ANKRD62: variants seen among roughly 807,000 people sequenced by gnomAD.
ANKRD62 encodes ankyrin repeat domain 62.
A neutral mutation model predicts 98.8 loss-of-function variants in ANKRD62; 61 were observed. The ratio of observed to expected loss-of-function variants is 0.62; its 90% confidence interval spans 0.50 to 0.76. The LOEUF (loss-of-function observed/expected upper bound fraction) is 0.76, where lower values mean the gene tolerates loss of function less well. ANKRD62 is among the 30% of genes least tolerant of loss of function. The pLI, the probability that ANKRD62 is intolerant of heterozygous loss-of-function variation, is 0.00. For missense variants in ANKRD62, 933 were observed against 1,082.9 expected, an observed-to-expected ratio of 0.86 and a Z score of 1.94; for synonymous variants, 341 against 367.9, an observed-to-expected ratio of 0.93 and a Z score of 0.84.
At chr18:12,141,560 A>G in the ANKRD62 span, among the ~76,000 whole-genome samples, 1 of 144,414 alleles carries the variant, frequency 6.9e-6, no homozygotes, top group African/African-American at 2.6e-5. Flanking sequence ...GTATTATTCT[A>G]TTGTGACTCT....
At chr18:12,178,322 G>C in the ANKRD62 span, among the ~76,000 whole-genome samples, 18 of 149,510 alleles carry the variant, frequency 1.2e-4, no homozygotes, top group Admixed American at 3.3e-4. Flanking sequence ...CCCACCACCA[G>C]AGCATGGAGT....
chr18:12,109,723 G>A (rs1568061405), intron 8 of ANKRD62, among the ~76,000 whole-genome samples: 2 of 151,938 alleles, frequency 1.3e-5, no homozygotes, highest in African/African-American at 4.8e-5. Flanking sequence ...TATATCAAAG[G>A]ACCTTTGATC....
rs1909436981 is a variant in ANKRD62 at position 12,107,371 on chromosome 18, A to G, written c.968A>G (p.Asn323Ser). Reference protein sequence around the residue: ...SRNVHADDSDNYNDDVDELIH... With the variant: ...SRNVHADDSDSYNDDVDELIH... ...AACGTACATGCTGATGACAGTGACA[A>G]TTATAATGATGATGTTGATGAATTA... Residue 323 changes from asparagine to serine, a missense_variant, in exon 8 of 14, where the codon AAT becomes AGT. Transcript: ENST00000587848. 1 of 1,526,320 alleles carries G rather than the reference A, an allele frequency of 6.6e-7. No individual in the cohort carries two copies. Among genetic ancestry groups the G allele is most frequent in the Non-Finnish European group, 8.8e-7 (1 of 1,142,396 alleles). The allele number at this position is 1,526,320 out of a possible 1,614,324, so 94.5% of individuals were successfully genotyped here.
At chr18:12,108,549 C>A (rs1158964705) in intron 8 of ANKRD62, among the ~76,000 whole-genome samples, 1 of 152,090 alleles carries the variant, frequency 6.6e-6, no homozygotes, top group Non-Finnish European at 1.5e-5. Flanking sequence ...GACACAGCAC[C>A]AAACCATATT....
intron 12 of ANKRD62, 30 bp from the exon 13 acceptor site, chr18:12,125,430 C>T: frequency 4.2e-6 from 6 of 1,421,866 alleles, no homozygotes; most frequent in Non-Finnish European, 5.5e-6. Flanking sequence ...TTATTGGGTG[C>T]TAGTTGAGAG....
chr18:12,153,080 G>A, the ANKRD62 span, among the ~76,000 whole-genome samples: 1 of 152,088 alleles, frequency 6.6e-6, no homozygotes, highest in African/African-American at 2.4e-5. Context: ...TAAATATTTA[G>A]GAATATAGCT....
intron 1 of ANKRD62, 70 bp downstream of exon 1, chr18:12,094,305 A>G: frequency 9.1e-7 from 1 of 1,104,006 alleles, no homozygotes; most frequent in Admixed American, 3.0e-5. Context: ...GTTTCGGGGT[A>G]GGGGAGATAC....
chr18:12,095,735 A>C, intron 3 of ANKRD62, 125 bp downstream of exon 3: 1 of 889,054 alleles, frequency 1.1e-6, no homozygotes. Context: ...TATTTGCTTT[A>C]CATACAACTA....
intron 13 of ANKRD62, 83 bp from the exon 14 acceptor site, chr18:12,127,665 G>C: frequency 9.6e-7 from 1 of 1,038,994 alleles, no homozygotes; most frequent in Non-Finnish European, 1.3e-6. Context: ...TTTTCGAAGT[G>C]TGTATATTAG....
At chr18:12,165,189 TAG>T in the ANKRD62 span, among the ~76,000 whole-genome samples, 16 of 152,002 alleles carry the variant, frequency 1.1e-4, no homozygotes, top group African/African-American at 3.9e-4. Flanking sequence ...GTGCTTCTTG[TAG>T]GCAACAGATC....
chr18:12,096,682 GCTT>G (rs1383442761), intron 4 of ANKRD62, among the ~76,000 whole-genome samples: 2 of 152,250 alleles, frequency 1.3e-5, no homozygotes, highest in East Asian at 3.9e-4. Flanking sequence ...TTCAACCTCT[GCTT>G]CTTACATGCT....
the ANKRD62 span, among the ~76,000 whole-genome samples, chr18:12,158,690 A>ATTTTT: frequency 7.6e-6 from 1 of 132,428 alleles, no homozygotes; most frequent in African/African-American, 2.8e-5. Context: ...TGCCTGGCTA[A>ATTTTT]TTTTTTTTTT....
the ANKRD62 span, among the ~76,000 whole-genome samples, chr18:12,151,081 G>A: frequency 6.6e-6 from 1 of 152,132 alleles, no homozygotes; most frequent in South Asian, 2.1e-4. Flanking sequence ...CAAAATAAAG[G>A]GATGGAGGAA....
At chr18:12,139,099 G>T in the ANKRD62 span, among the ~76,000 whole-genome samples, 1 of 152,064 alleles carries the variant, frequency 6.6e-6, no homozygotes, top group Non-Finnish European at 1.5e-5. Flanking sequence ...ATGTTAGCTG[G>T]TTATTTTGCT....
the ANKRD62 span, among the ~76,000 whole-genome samples, chr18:12,165,610 G>A: frequency 6.6e-6 from 1 of 152,000 alleles, no homozygotes; most frequent in African/African-American, 2.4e-5. Flanking sequence ...TACTGTGTAT[G>A]TCTTGAGAAG....
At chr18:12,179,122 G>A in the ANKRD62 span, among the ~76,000 whole-genome samples, 1 of 150,976 alleles carries the variant, frequency 6.6e-6, no homozygotes, top group Non-Finnish European at 1.5e-5. Flanking sequence ...CACATCCACA[G>A]GAAGTCACAA....
intron 2 of ANKRD62, 64 bp downstream of exon 2, chr18:12,095,349 A>G: frequency 6.5e-7 from 1 of 1,530,794 alleles, no homozygotes; most frequent in Non-Finnish European, 8.8e-7. Flanking sequence ...AATAAAATTA[A>G]TTCACCTCAT....
At chr18:12,108,433 A>G (rs1318521105) in intron 8 of ANKRD62, among the ~76,000 whole-genome samples, 10 of 152,106 alleles carry the variant, frequency 6.6e-5, no homozygotes, top group African/African-American at 2.4e-4. Flanking sequence ...CTCACTCACT[A>G]TCACAAGAAC....
rs769252015 is a variant in ANKRD62 at position 12,107,373 on chromosome 18, TATA to T, written c.973_975del (p.Asn325del). On this transcript the variant is annotated inframe_deletion, in exon 8 of 14. Coordinates refer to ENST00000587848, the MANE Select transcript of ANKRD62 (RefSeq NM_001277333.2). ...CGTACATGCTGATGACAGTGACAAT[TATA>T]ATGATGATGTTGATGAATTAATTCA... The T allele has an allele frequency of 1.7e-4, 263 of 1,525,836 alleles. No individual in the cohort carries two copies. In the African/African-American group the frequency reaches 3.2e-3, roughly 18 times the overall value. The allele number at this position is 1,525,836 out of a possible 1,614,324, so 94.5% of individuals were successfully genotyped here.
Sources: allele counts gnomAD v4.1 joint callset (sites outside exome capture counted in the v4.1 genomes callset), GRCh38; gene constraint gnomAD v4.1.1; transcripts MANE v1.5; gene names NCBI Gene and HGNC (gene_info 2026-07-23, HGNC 2026-07-21).